ABHD17B: variants seen among roughly 807,000 people sequenced by gnomAD.
ABHD17B encodes the protein alpha/beta hydrolase domain-containing protein 17B.
A neutral mutation model predicts 26.2 loss-of-function variants in ABHD17B; 9 were observed. The observed-to-expected ratio is 0.34, with a 90% CI of 0.21 to 0.60. The LOEUF is 0.60. ABHD17B is among the 20% of genes least tolerant of loss of function. The pLI is 0.80. For missense variants in ABHD17B, 224 were observed against 352.1 expected (o/e 0.64, Z 2.91); for synonymous variants, 127 against 122.3 (o/e 1.04, Z -0.25).
chr9:71,898,815 T>C (rs896284934), intron 1 of ABHD17B, among the ~76,000 whole-genome samples: 67 of 152,228 alleles, frequency 4.4e-4, no homozygotes, highest in African/African-American at 1.4e-3. Context: ...CTGGGCAACA[T>C]TGCAAAACTC....
chr9:71,865,242 C>CTA lies in ABHD17B; in HGVS notation c.*1543_*1544dup. 2.0e-6 allele frequency: 2 copies of CTA among 985,568 alleles called. No homozygotes were observed. The highest frequency in any genetic ancestry group is 3.5e-5 in the African/African-American group (2 of 57,320). 61.1% of individuals were successfully genotyped at this position (985,568 alleles called of 1,614,324 possible). On this transcript the variant is annotated 3_prime_UTR_variant, in exon 4 of 4. Coordinates refer to ENST00000333421, the MANE Select transcript of ABHD17B (RefSeq NM_001025780.3). ...GATATACTTTGAAGAGAGTCATATACTATAGTCTTAAACATAACCACGGAA... is the reference window on the plus strand; with the variant it reads ...GATATACTTTGAAGAGAGTCATATACTATATAGTCTTAAACATAACCACGGAA...
At position 71,874,671 on chromosome 9, in the gene ABHD17B, G is replaced by A; in HGVS notation, c.410C>T (p.Pro137Leu). 1 of 1,612,994 alleles carries A rather than the reference G, an allele frequency of 6.2e-7. No individual in the cohort carries two copies. The highest frequency in any genetic ancestry group is 8.5e-7 in the Non-Finnish European group (1 of 1,179,444). ...YSGYGASSGKPTEKNLYADIE... is the reference protein window; with the variant it reads ...YSGYGASSGKLTEKNLYADIE... ...GTCTGCATAGAGGTTCTTCTCTGTG[G>A]GTTTCCCGGAACTGGCACCATATCC... Residue 137 changes from proline (P) to leucine (L), a missense_variant, in exon 2 of 4, where the codon CCC becomes CTC. Coordinates refer to ENST00000333421, the MANE Select transcript of ABHD17B (RefSeq NM_001025780.3).
At chr9:71,882,200 T>C (rs1034131467) in intron 1 of ABHD17B, among the ~76,000 whole-genome samples, 1 of 152,228 alleles carries the variant, frequency 6.6e-6, no homozygotes, top group Non-Finnish European at 1.5e-5. Context: ...CAATCTGATA[T>C]TTCCTCAAAA....
chr9:71,907,463 AG>A, intron 1 of ABHD17B, among the ~76,000 whole-genome samples: 1 of 152,254 alleles, frequency 6.6e-6, no homozygotes, highest in South Asian at 2.1e-4. Flanking sequence ...CGGGGGGAAA[AG>A]GGAACAGCAT....
At chr9:71,887,825 T>C (rs10746891) in intron 1 of ABHD17B, among the ~76,000 whole-genome samples, 142,102 of 152,276 alleles carry the variant, frequency 0.93, 66,998 homozygotes, top group East Asian at 1. Context: ...CTAAGTGAGA[T>C]TGCCTACACA....
At chr9:71,874,570 C>T (rs1487580029) in intron 2 of ABHD17B, 44 bp downstream of exon 2, 25 of 1,470,420 alleles carry the variant, frequency 1.7e-5, no homozygotes, top group Middle Eastern at 1.8e-4. Flanking sequence ...ATATTTTTAG[C>T]TAACCACCAC....
chr9:71,873,945 T>C (rs1489389915), intron 2 of ABHD17B, among the ~76,000 whole-genome samples: 1 of 152,230 alleles, frequency 6.6e-6, no homozygotes, highest in Non-Finnish European at 1.5e-5. Flanking sequence ...CAATAAGGTA[T>C]CTTTAAGTTG....
chr9:71,878,136 TAA>T (rs112598571), intron 1 of ABHD17B, among the ~76,000 whole-genome samples: 11 of 139,728 alleles, frequency 7.9e-5, no homozygotes, highest in African/African-American at 7.9e-5. Context: ...TTTTATTCTG[TAA>T]AAAAAAAAAA....
intron 1 of ABHD17B, among the ~76,000 whole-genome samples, chr9:71,891,873 T>C (rs1015230838): frequency 6.6e-6 from 1 of 152,184 alleles, no homozygotes; most frequent in African/African-American, 2.4e-5. Flanking sequence ...TAACTCTTGG[T>C]CCAATAATGT....
intron 2 of ABHD17B, among the ~76,000 whole-genome samples, chr9:71,873,589 G>C (rs1353808059): frequency 6.6e-6 from 1 of 152,066 alleles, no homozygotes; most frequent in Admixed American, 6.6e-5. Flanking sequence ...GTAGAGACGG[G>C]GTTTCACCAT....
intron 1 of ABHD17B, among the ~76,000 whole-genome samples, chr9:71,880,841 G>T (rs1383858338): frequency 6.6e-6 from 1 of 151,822 alleles, no homozygotes; most frequent in Middle Eastern, 3.2e-3. Context: ...CTCCCAGAAT[G>T]AAAATTTCAA....
At chr9:71,871,178 A>G (rs1189718135) in intron 2 of ABHD17B, among the ~76,000 whole-genome samples, 1 of 152,220 alleles carries the variant, frequency 6.6e-6, no homozygotes, top group Non-Finnish European at 1.5e-5. Flanking sequence ...AGCTAAGAAC[A>G]TAACAGCTGC....
At chr9:71,869,642 CAG>C (rs1388412264) in intron 3 of ABHD17B, among the ~76,000 whole-genome samples, 1 of 152,012 alleles carries the variant, frequency 6.6e-6, no homozygotes, top group Non-Finnish European at 1.5e-5. Flanking sequence ...TATCATTAAT[CAG>C]ATATTTACTC....
chr9:71,864,669 A>G (rs918493762), downstream of ABHD17B, among the ~76,000 whole-genome samples: 3 of 151,290 alleles, frequency 2.0e-5, no homozygotes, highest in Non-Finnish European at 4.4e-5. Flanking sequence ...TCTCTGGGGG[A>G]CTCTTCCTTG....
intron 1 of ABHD17B, among the ~76,000 whole-genome samples, chr9:71,884,327 A>C (rs977788490): frequency 2.0e-5 from 3 of 152,208 alleles, no homozygotes; most frequent in African/African-American, 7.2e-5. Flanking sequence ...AGGTCCTTTA[A>C]GTGTATCTGA....
chr9:71,867,848 T>C (rs1468065779), intron 3 of ABHD17B, among the ~76,000 whole-genome samples: 1 of 152,016 alleles, frequency 6.6e-6, no homozygotes, highest in East Asian at 1.9e-4. Context: ...TATGAACCCA[T>C]TTTCCCTATG....
At chr9:71,883,097 T>C (rs947657243) in intron 1 of ABHD17B, among the ~76,000 whole-genome samples, 1 of 152,014 alleles carries the variant, frequency 6.6e-6, no homozygotes, top group Admixed American at 6.6e-5. Flanking sequence ...GAGCTGAGAT[T>C]GCGCCATTGC....
chr9:71,887,606 T>C (rs1826648897), intron 1 of ABHD17B, among the ~76,000 whole-genome samples: 4 of 152,240 alleles, frequency 2.6e-5, no homozygotes, highest in Non-Finnish European at 4.4e-5. Flanking sequence ...CAGCATAGTA[T>C]GAATATTTCT....
intron 3 of ABHD17B, among the ~76,000 whole-genome samples, 167 bp downstream of exon 3, chr9:71,869,916 T>G (rs1826061992): frequency 6.6e-6 from 1 of 152,236 alleles, no homozygotes; most frequent in Non-Finnish European, 1.5e-5. Flanking sequence ...GCCTTCTGAC[T>G]GGTCACCTGC....
Sources: gnomAD v4.1 joint callset for allele counts (sites outside exome capture counted in the v4.1 genomes callset) on GRCh38, gnomAD v4.1.1 for gene constraint, MANE v1.5 for transcripts, NCBI Gene and HGNC (gene_info 2026-07-23, HGNC 2026-07-21) for gene names.